Variants in PCGF3 observed in about 807,000 individuals in gnomAD.
PCGF3 encodes polycomb group ring finger 3.
PCGF3 carries 7 observed loss-of-function variants against 33.1 expected under a neutral mutation model. The ratio of observed to expected loss-of-function variants is 0.21; its 90% CI spans 0.12 to 0.40. PCGF3 has a LOEUF of 0.40. Ranked by LOEUF, PCGF3 falls within the 10% of genes least tolerant of loss-of-function variation. PCGF3 has a pLI of 1.00. For missense variants in PCGF3, 211 were observed against 313.3 expected (o/e 0.67, Z 2.46); for synonymous variants, 153 against 121.3 (o/e 1.26, Z -1.72).
At chr4:740,223 A>C (rs1224054580) in intron 6 of PCGF3, among the ~76,000 whole-genome samples, 1 of 152,226 alleles carries the variant, frequency 6.6e-6, no homozygotes, top group Non-Finnish European at 1.5e-5. Flanking sequence ...AGGAGACGCC[A>C]ACACGGTCCT....
chr4:744,469 T>C lies in PCGF3; in HGVS notation c.374-131T>C, dbSNP rs566558873. On this transcript the variant is annotated intron_variant, in intron 7 of 10. Coordinates refer to ENST00000362003, the Ensembl canonical transcript of PCGF3. ...TTTGCGGACGGCTTTCCTTTGACGCTTACTCCGCTCCGGGGGTCCAGAGTC... is the reference window on the plus strand; with the variant it reads ...TTTGCGGACGGCTTTCCTTTGACGCCTACTCCGCTCCGGGGGTCCAGAGTC... 1.1e-4 allele frequency: 77 copies of C among 697,692 alleles called. 2 individuals are homozygous for C. In the Middle Eastern group the frequency reaches 4.6e-3, roughly 42 times the overall value. 43.2% of individuals were successfully genotyped at this position (697,692 alleles called of 1,614,324 possible).
intron 9 of PCGF3, chr4:764,657 G>C (rs558235125): frequency 3.8e-6 from 1 of 261,052 alleles, no homozygotes; most frequent in Non-Finnish European, 7.4e-6. Context: ...AGATAGGGGC[G>C]GGATGGGAGC....
At chr4:734,133 G>T (rs1743736591) in intron 4 of PCGF3, 2 of 1,550,484 alleles carry the variant, frequency 1.3e-6, no homozygotes, top group South Asian at 2.4e-5. Flanking sequence ...CTTCAAAGGG[G>T]AACCTTCCAG....
rs989911654 is a variant in PCGF3, at chr4:721,452, C to A, written c.-189-9178C>A. On this transcript the variant is annotated intron_variant, in intron 1 of 10. Coordinates refer to ENST00000362003, the Ensembl canonical transcript of PCGF3. The surrounding 1 kb of genome is among the most constrained non-coding windows in gnomAD (Gnocchi z 4.1). ...AGGCTGGGCTGGGCAGTCAGCCAGA[C>A]GGGAAAGGGGGCTGAGGCGTCCAGG... Among the ~76,000 whole-genome samples, 1 of 152,064 alleles carries A rather than the reference C, an allele frequency of 6.6e-6. No homozygotes were observed. Among genetic ancestry groups the A allele is most frequent in the Non-Finnish European group, 1.5e-5 (1 of 67,998 alleles).
intron 1 of PCGF3, among the ~76,000 whole-genome samples, chr4:716,495 C>T (rs1662695336): frequency 7.8e-6 from 1 of 127,990 alleles, no homozygotes; most frequent in Non-Finnish European, 1.6e-5. Context: ...GTGCTGGGAC[C>T]CTGTGGACAC....
intron 1 of PCGF3, among the ~76,000 whole-genome samples, chr4:715,574 C>T: frequency 9.3e-6 from 1 of 107,598 alleles, no homozygotes; most frequent in Non-Finnish European, 1.9e-5. Flanking sequence ...GTGCTGGGAC[C>T]CTGTGGACAC....
intron 8 of PCGF3, 119 bp from the exon 9 acceptor site, chr4:761,160 T>C: frequency 4.4e-6 from 3 of 681,726 alleles, no homozygotes; most frequent in Non-Finnish European, 6.8e-6. Context: ...AGCAGATGTC[T>C]GATCTCAAAA....
At chr4:749,950 G>A (rs764752192) in intron 8 of PCGF3, among the ~76,000 whole-genome samples, 8 of 152,192 alleles carry the variant, frequency 5.3e-5, no homozygotes, top group Admixed American at 3.3e-4. Context: ...GACACTGTTG[G>A]CAGATCACAC....
chr4:720,199 G>A lies in PCGF3; in HGVS notation c.-189-10431G>A, dbSNP rs1743015411. ...TGCTGCCGGAGTATGCCAAGCACGA[G>A]GGGCCAGGTGGCACACAGCACCTGT... On this transcript the variant is annotated intron_variant, in intron 1 of 10. Coordinates refer to ENST00000362003, the Ensembl canonical transcript of PCGF3. This position sits in a 1 kb window ranked among gnomAD's most constrained non-coding sequence, Gnocchi z 5.6. 6.6e-6 allele frequency among the ~76,000 whole-genome samples: 1 copy of A among 152,180 alleles called. No homozygotes were observed. The highest frequency in any genetic ancestry group is 1.5e-5 in the Non-Finnish European group (1 of 68,032).
intron 3 of PCGF3, among the ~76,000 whole-genome samples, chr4:733,083 G>T (rs1170864019): frequency 1.3e-5 from 2 of 149,290 alleles, no homozygotes; most frequent in Non-Finnish European, 2.9e-5. Context: ...CCCCTGCCCC[G>T]TGCTGCCTCC....
chr4:763,778 A>T (rs1382587813), intron 9 of PCGF3, among the ~76,000 whole-genome samples: 1 of 152,256 alleles, frequency 6.6e-6, no homozygotes, highest in Non-Finnish European at 1.5e-5. Context: ...ATCTTTCTTC[A>T]TAATTACCAA....
chr4:760,650 G>A (rs990211846), intron 8 of PCGF3, among the ~76,000 whole-genome samples: 2 of 152,232 alleles, frequency 1.3e-5, no homozygotes, highest in African/African-American at 4.8e-5. Flanking sequence ...CGTTTGCCGT[G>A]AGCGTCGCCC....
At chr4:764,088 G>C (rs1254377384) in intron 9 of PCGF3, among the ~76,000 whole-genome samples, 2 of 152,164 alleles carry the variant, frequency 1.3e-5, no homozygotes, top group Non-Finnish European at 2.9e-5. Flanking sequence ...CGGCGATGCT[G>C]CTGTTTGTCC....
chr4:749,015 C>T (rs1474030846), intron 8 of PCGF3, among the ~76,000 whole-genome samples: 1 of 152,158 alleles, frequency 6.6e-6, no homozygotes, highest in Admixed American at 6.5e-5. Context: ...TGATGTCCTC[C>T]TCCAGTTTAA....
chr4:753,383 G>A (rs908715623), intron 8 of PCGF3, among the ~76,000 whole-genome samples: 46 of 152,208 alleles, frequency 3.0e-4, no homozygotes, highest in East Asian at 1.9e-3. Context: ...GGCCGGGTGC[G>A]GTGGCTCACG....
intron 1 of PCGF3, among the ~76,000 whole-genome samples, chr4:724,438 G>A (rs558074742): frequency 3.3e-5 from 5 of 152,396 alleles, no homozygotes; most frequent in Non-Finnish European, 7.3e-5. Flanking sequence ...ACCAGAAGGC[G>A]GAGCCCATGC....
chr4:707,514 C>T (rs115781025), intron 1 of PCGF3, among the ~76,000 whole-genome samples: 25,825 of 99,200 alleles, frequency 0.26, 3,191 homozygotes, highest in Middle Eastern at 0.4. Context: ...TGTTTTCACC[C>T]GGGGGCCGGG....
At chr4:711,512 CAGT>C (rs1742566720) in intron 1 of PCGF3, among the ~76,000 whole-genome samples, 1 of 139,654 alleles carries the variant, frequency 7.2e-6, no homozygotes, top group Non-Finnish European at 1.5e-5. Flanking sequence ...CTGCGGACTG[CAGT>C]GGCGCAATCT....
chr4:726,430 G>A (rs1227006878), intron 1 of PCGF3, among the ~76,000 whole-genome samples: 1 of 152,228 alleles, frequency 6.6e-6, no homozygotes, highest in East Asian at 1.9e-4. Context: ...GCCGGGCCAC[G>A]ATGGCCAGGC....
Sources: gnomAD v4.1 joint callset for allele counts (sites outside exome capture counted in the v4.1 genomes callset) on GRCh38, gnomAD v4.1.1 for gene constraint, Gnocchi (gnomAD v3.1) non-coding constraint, MANE v1.5 for transcripts, NCBI Gene and HGNC (gene_info 2026-07-23, HGNC 2026-07-21) for gene names.